The following PRKCB variants were observed in gnomAD, a reference collection of about 807,000 sequenced individuals.
PRKCB encodes protein kinase C beta.
In PRKCB, 13 loss-of-function variants were observed where a neutral mutation model predicts 81.5. The ratio of observed to expected loss-of-function variants is 0.16; its 90% CI spans 0.10 to 0.25. PRKCB has a LOEUF of 0.25. Among genes scored for constraint, PRKCB ranks in the 10% least tolerant of loss-of-function variants. PRKCB has a pLI of 1.00. For synonymous variants in PRKCB, 335 were observed against 321.4 expected, an observed-to-expected ratio of 1.04 and a Z score of -0.45; for missense variants, 509 against 875.7, an observed-to-expected ratio of 0.58 and a Z score of 5.29.
At chr16:24,023,577 C>T (rs1361271788) in intron 3 of PRKCB, among the ~76,000 whole-genome samples, 1 of 152,068 alleles carries the variant, frequency 6.6e-6, no homozygotes. Context: ...ACCGTGTTAG[C>T]CAGGATGGTC....
intron 2 of PRKCB, among the ~76,000 whole-genome samples, chr16:23,895,204 T>C (rs528204506): frequency 6.6e-6 from 1 of 152,212 alleles, no homozygotes; most frequent in African/African-American, 2.4e-5. Flanking sequence ...TATATTGTCC[T>C]GTAATGATGT....
intron 2 of PRKCB, among the ~76,000 whole-genome samples, chr16:23,921,412 T>A (rs372379488): frequency 6.6e-6 from 1 of 152,206 alleles, no homozygotes; most frequent in South Asian, 2.1e-4. Context: ...GGGGACTTAG[T>A]GCTTGTCCTT....
chr16:24,030,398 G>A (rs1965536328), intron 3 of PRKCB, among the ~76,000 whole-genome samples: 1 of 151,312 alleles, frequency 6.6e-6, no homozygotes, highest in Non-Finnish European at 1.5e-5. Context: ...TGGGTGGGAG[G>A]AGGGGGCTTA....
intron 2 of PRKCB, among the ~76,000 whole-genome samples, chr16:23,930,524 A>G (rs1963957664): frequency 1.3e-5 from 2 of 151,798 alleles, no homozygotes; most frequent in African/African-American, 4.8e-5. Context: ...AACCATGTTC[A>G]TGCCACCACA....
chr16:23,840,453 A>C (rs1036199950), intron 2 of PRKCB, among the ~76,000 whole-genome samples: 3 of 152,184 alleles, frequency 2.0e-5, no homozygotes, highest in African/African-American at 7.2e-5. Context: ...GGCATATAGC[A>C]CATGCTCGGT....
chr16:23,975,399 A>G (rs756323214), intron 2 of PRKCB, among the ~76,000 whole-genome samples: 1 of 151,960 alleles, frequency 6.6e-6, no homozygotes, highest in Non-Finnish European at 1.5e-5. Flanking sequence ...CCTCTGCTTT[A>G]CCAGCAAGGG....
At chr16:24,077,544 A>T (rs1313914322) in intron 5 of PRKCB, among the ~76,000 whole-genome samples, 1 of 151,882 alleles carries the variant, frequency 6.6e-6, no homozygotes, top group African/African-American at 2.4e-5. Flanking sequence ...CCATACATTC[A>T]TTCATCTGTC....
chr16:23,988,435 C>G, intron 2 of PRKCB, 73 bp from the exon 3 acceptor site: 5 of 1,209,696 alleles, frequency 4.1e-6, no homozygotes, highest in East Asian at 2.4e-5. Flanking sequence ...ATGATCTCTT[C>G]CTCCCTTTCT....
intron 2 of PRKCB, among the ~76,000 whole-genome samples, chr16:23,890,927 A>G: frequency 6.6e-6 from 1 of 152,214 alleles, no homozygotes; most frequent in East Asian, 1.9e-4. Context: ...CTGAAGATGA[A>G]TGGGACATTT....
chr16:24,086,824 A>G (rs1289793706), intron 5 of PRKCB, among the ~76,000 whole-genome samples: 1 of 152,172 alleles, frequency 6.6e-6, no homozygotes, highest in East Asian at 1.9e-4. Context: ...TCTTTTCTAT[A>G]TATTTACATT....
chr16:24,192,059 G>C (rs1967801682), intron 16 of PRKCB, among the ~76,000 whole-genome samples: 1 of 152,224 alleles, frequency 6.6e-6, no homozygotes, highest in South Asian at 2.1e-4. Context: ...GCTGAAGAGT[G>C]AACATAAACA....
At chr16:24,126,081 G>A (rs1966843784) in intron 9 of PRKCB, among the ~76,000 whole-genome samples, 1 of 152,202 alleles carries the variant, frequency 6.6e-6, no homozygotes, top group Non-Finnish European at 1.5e-5. Flanking sequence ...GAAGAGAGAT[G>A]TCCACTGCAG....
chr16:23,968,468 C>T (rs1386893848), intron 2 of PRKCB, among the ~76,000 whole-genome samples: 1 of 152,132 alleles, frequency 6.6e-6, no homozygotes, highest in Non-Finnish European at 1.5e-5. Flanking sequence ...AAGGCATCGC[C>T]AGCAGGAACC....
At chr16:24,144,186 A>G (rs398974) in intron 9 of PRKCB, among the ~76,000 whole-genome samples, 55,351 of 151,974 alleles carry the variant, frequency 0.36, 10,446 homozygotes, top group South Asian at 0.47. Context: ...GGAGAGAAAA[A>G]AAAGAAAAGA....
intron 13 of PRKCB, among the ~76,000 whole-genome samples, chr16:24,184,133 T>C (rs1031300163): frequency 2.0e-5 from 3 of 152,228 alleles, no homozygotes; most frequent in African/African-American, 7.2e-5. Flanking sequence ...AAATTGATTA[T>C]GTTCATATAC....
intron 10 of PRKCB, 128 bp from the exon 11 acceptor site, chr16:24,172,142 C>G: frequency 1.5e-6 from 1 of 689,028 alleles, no homozygotes; most frequent in East Asian, 2.7e-5. Flanking sequence ...AACAGGAAGC[C>G]CAGCAAACAG....
At position 23,967,545 on chromosome 16, in the gene PRKCB, A is replaced by G. The variant is rs190394492; in HGVS notation, c.206-20963A>G. ...AAAGAAGTTTAGGTTGCTATCAGGA[A>G]CAATTCCTAACAGCAGGAGGTTTTT... On this transcript the variant is annotated intron_variant, in intron 2 of 16. Transcript: ENST00000643927. 9.8e-5 allele frequency among the ~76,000 whole-genome samples: 15 copies of G among 152,392 alleles called. No homozygotes were observed. The East Asian group carries it at 1.3e-3, about 14-fold the overall frequency.
chr16:23,943,164 G>C (rs576060774), intron 2 of PRKCB, among the ~76,000 whole-genome samples: 3 of 152,320 alleles, frequency 2.0e-5, no homozygotes, highest in African/African-American at 7.2e-5. Flanking sequence ...AAACTCTGAA[G>C]CTTCGGAGTG....
intron 7 of PRKCB, among the ~76,000 whole-genome samples, chr16:24,095,554 G>C (rs769750374): frequency 2.0e-5 from 3 of 152,278 alleles, no homozygotes; most frequent in African/African-American, 7.2e-5. Flanking sequence ...AACTTAGGAA[G>C]TTGGAAGTGT....
Sources: gnomAD v4.1 joint callset for allele counts (sites outside exome capture counted in the v4.1 genomes callset) on GRCh38, gnomAD v4.1.1 for gene constraint, MANE v1.5 for transcripts, NCBI Gene and HGNC (gene_info 2026-07-23, HGNC 2026-07-21) for gene names.